The following DNER variants were observed in gnomAD, a reference collection of about 807,000 sequenced individuals.
DNER encodes delta and Notch-like epidermal growth factor-related receptor.
DNER carries 33 observed loss-of-function variants against 78.2 expected under a neutral mutation model. That is an observed-to-expected ratio of 0.42 (90% CI 0.32 to 0.56). DNER has a LOEUF of 0.56. Among genes scored for constraint, DNER ranks in the 20% least tolerant of loss-of-function variants. DNER has a pLI of 0.11. For synonymous variants in DNER, 417 were observed against 384.8 expected (o/e 1.08, Z -0.98); for missense variants, 918 against 975.3 (o/e 0.94, Z 0.78).
intron 1 of DNER, among the ~76,000 whole-genome samples, chr2:229,665,010 G>T (rs1699064587): frequency 6.6e-6 from 1 of 152,164 alleles, no homozygotes; most frequent in African/African-American, 2.4e-5. Flanking sequence ...CAAGCTTCAG[G>T]TCAGGTCCTT....
chr2:229,619,244 G>C (rs1698215124), intron 1 of DNER, among the ~76,000 whole-genome samples: 3 of 151,766 alleles, frequency 2.0e-5, no homozygotes, highest in Admixed American at 2.0e-4. Flanking sequence ...TCCTAAAGTA[G>C]GTAAAATTTA....
rs1246012206 is a variant in DNER, at chr2:229,407,251, G to C, written c.1704C>G (p.Ile568Met). Reference protein sequence around the residue: ...CDSDGLNGTCICAPGFTGEEC... With the variant: ...CDSDGLNGTCMCAPGFTGEEC... ...ACTTGCCTGTAAACCCGGGTGCACA[G>C]ATGCACGTGCCATTCAGGCCGTCGC... Residue 568 changes from isoleucine (I) to methionine (M), a missense_variant, in exon 10 of 13, where the codon ATC becomes ATG. Physicochemically the swap from Ile to Met is conservative, Grantham distance 10. Coordinates refer to ENST00000341772, the MANE Select transcript of DNER (RefSeq NM_139072.4). 1 of 1,613,040 alleles carries C rather than the reference G, an allele frequency of 6.2e-7. No individual in the cohort carries two copies. Among genetic ancestry groups the C allele is most frequent in the Admixed American group, 1.7e-5 (1 of 59,990 alleles).
chr2:229,473,582 T>C (rs1694973206), intron 7 of DNER, among the ~76,000 whole-genome samples: 1 of 152,238 alleles, frequency 6.6e-6, no homozygotes, highest in African/African-American at 2.4e-5. Context: ...TAGTGAGTGA[T>C]AGCTAAGTGT....
chr2:229,552,967 T>C (rs929733122), intron 4 of DNER, among the ~76,000 whole-genome samples: 1 of 152,206 alleles, frequency 6.6e-6, no homozygotes, highest in African/African-American at 2.4e-5. Flanking sequence ...TCAATTGCTG[T>C]GGCCATGTGC....
At chr2:229,545,578 A>C (rs1290788006) in intron 5 of DNER, among the ~76,000 whole-genome samples, 1 of 152,252 alleles carries the variant, frequency 6.6e-6, no homozygotes, top group East Asian at 1.9e-4. Flanking sequence ...CATCTCAAAA[A>C]ATATATATAT....
intron 7 of DNER, among the ~76,000 whole-genome samples, chr2:229,475,571 G>C (rs1695015572): frequency 2.0e-5 from 3 of 152,156 alleles, no homozygotes; most frequent in Admixed American, 2.0e-4. Flanking sequence ...GCCTTCCTTA[G>C]CATTATATCC....
intron 10 of DNER, among the ~76,000 whole-genome samples, chr2:229,396,212 C>G (rs1169340796): frequency 1.3e-5 from 2 of 152,094 alleles, no homozygotes; most frequent in Non-Finnish European, 2.9e-5. Flanking sequence ...TATAAAAGAG[C>G]TCTAATTACT....
At chr2:229,642,292 T>C (rs1698639362) in intron 1 of DNER, among the ~76,000 whole-genome samples, 1 of 152,212 alleles carries the variant, frequency 6.6e-6, no homozygotes, top group South Asian at 2.1e-4. Context: ...TTTTCATTTT[T>C]ACCCGAGAAA....
intron 1 of DNER, among the ~76,000 whole-genome samples, chr2:229,598,218 G>A (rs1423758528): frequency 6.6e-6 from 1 of 152,238 alleles, no homozygotes; most frequent in African/African-American, 2.4e-5. Flanking sequence ...GAGACACAGA[G>A]GTGACTAACT....
At position 229,681,957 on chromosome 2, in the gene DNER, C is replaced by A. The variant is rs190420170; in HGVS notation, c.276+32191G>T. ...TGTCATCTCAAGAACTAGAAGCAGG[C>A]ACAACAGATTGCCAGATCCTCTGCA... On this transcript the variant is annotated intron_variant, in intron 1 of 12. Coordinates refer to ENST00000341772, the MANE Select transcript of DNER (RefSeq NM_139072.4). Among the ~76,000 whole-genome samples, 8 of 152,134 alleles carry A rather than the reference C, an allele frequency of 5.3e-5. No individual in the cohort carries two copies. In the East Asian group the frequency reaches 1.5e-3, roughly 29 times the overall value.
At chr2:229,440,210 A>C (rs529145533) in intron 8 of DNER, among the ~76,000 whole-genome samples, 1 of 152,344 alleles carries the variant, frequency 6.6e-6, no homozygotes, top group Admixed American at 6.5e-5. Context: ...AGAAGCCTAA[A>C]GAAGGCAAAT....
chr2:229,433,370 T>C lies in DNER; in HGVS notation c.1486+13946A>G, dbSNP rs185453135. Among the ~76,000 whole-genome samples, 16 of 152,310 alleles carry C rather than the reference T, an allele frequency of 1.1e-4. No homozygotes were observed. The East Asian group carries it at 3.1e-3, about 29-fold the overall frequency. Reference sequence around the variant, plus strand: ...CAGTGAAACATATAGTCAAATGATCTACCAGCCATCGGCACATGGACTAAA... The same window carrying C: ...CAGTGAAACATATAGTCAAATGATCCACCAGCCATCGGCACATGGACTAAA... On this transcript the variant is annotated intron_variant, in intron 8 of 12. Transcript: ENST00000341772.
At chr2:229,502,915 G>A (rs947917738) in intron 6 of DNER, among the ~76,000 whole-genome samples, 1 of 152,138 alleles carries the variant, frequency 6.6e-6, no homozygotes, top group Non-Finnish European at 1.5e-5. Flanking sequence ...TTTTCCTCTG[G>A]CTGATCTTGG....
Position 229,676,401 on chromosome 2 carries a change from TTC to T in DNER, c.276+37745_276+37746del, listed in dbSNP as rs140920993. Among the ~76,000 whole-genome samples the T allele has an allele frequency of 9.3e-3, 1,412 of 152,268 alleles. 18 individuals carry two copies. Among genetic ancestry groups the T allele is most frequent in the African/African-American group, 0.031 (1,306 of 41,550 alleles). On this transcript the variant is annotated intron_variant, in intron 1 of 12. Transcript: ENST00000341772. ...AAAGTCAGTTGTGAAGATTCAACGT[TTC>T]TGAAAATACATCTGGCAAGTGCTAA...
chr2:229,481,405 G>A (rs1187439693), intron 6 of DNER, among the ~76,000 whole-genome samples: 2 of 152,162 alleles, frequency 1.3e-5, no homozygotes, highest in Non-Finnish European at 2.9e-5. Flanking sequence ...AAGGAGCCAG[G>A]AGCATCCTGT....
At chr2:229,651,082 G>A (rs1698808635) in intron 1 of DNER, among the ~76,000 whole-genome samples, 1 of 152,152 alleles carries the variant, frequency 6.6e-6, no homozygotes, top group African/African-American at 2.4e-5. Context: ...TCTAATTCGA[G>A]TTGAGTCAAG....
rs200418369 is a variant in DNER, at chr2:229,625,919, TG to T, written c.277-34032del. On this transcript the variant is annotated intron_variant, in intron 1 of 12. Transcript: ENST00000341772. ...TGTTTTTGTTGTTGTTGTTGTTGTT[TG>T]TTTTTTGTTTTTTTTTTGAGATGGA... 6.4e-3 allele frequency among the ~76,000 whole-genome samples: 956 copies of T among 150,026 alleles called. 8 individuals are homozygous for T. The highest frequency in any genetic ancestry group is 0.023 in the African/African-American group (924 of 40,552).
chr2:229,418,289 A>G, intron 8 of DNER, 59 bp from the exon 9 acceptor site: 1 of 1,607,948 alleles, frequency 6.2e-7, no homozygotes, highest in Middle Eastern at 2.0e-4. Context: ...CCCACGCGGG[A>G]CCAGCCTGCA....
intron 5 of DNER, among the ~76,000 whole-genome samples, chr2:229,517,104 C>A (rs1284526677): frequency 7.5e-6 from 1 of 133,184 alleles, no homozygotes; most frequent in Non-Finnish European, 1.6e-5. Context: ...AGTGAGACTC[C>A]GTCTCAAAAA....
Sources: allele counts gnomAD v4.1 joint callset (sites outside exome capture counted in the v4.1 genomes callset), GRCh38; gene constraint gnomAD v4.1.1; transcripts MANE v1.5; gene names NCBI Gene and HGNC (gene_info 2026-07-23, HGNC 2026-07-21).